NPL: variants seen among roughly 807,000 people sequenced by gnomAD.
The protein encoded by NPL is N-acetylneuraminate pyruvate lyase.
In NPL, 32 loss-of-function variants were observed where a neutral mutation model predicts 41.1. That is an observed-to-expected ratio of 0.78 (90% confidence interval 0.59 to 1.05). NPL has a LOEUF of 1.05. Among genes scored for constraint, NPL ranks in the 50% least tolerant of loss-of-function variants. The pLI is 0.00. For missense variants in NPL, 321 were observed against 378.4 expected (o/e 0.85, Z 1.26); for synonymous variants, 128 against 134.9 (o/e 0.95, Z 0.35).
chr1:182,799,732 CAA>C (rs556336661), intron 3 of NPL, among the ~76,000 whole-genome samples: 2,408 of 61,098 alleles, frequency 0.039, 56 homozygotes, highest in African/African-American at 0.12. Flanking sequence ...ACCCTGTCTC[CAA>C]AAAAAAAAAA....
At chr1:182,807,236 C>T (rs1305285096) in intron 5 of NPL, among the ~76,000 whole-genome samples, 1 of 152,096 alleles carries the variant, frequency 6.6e-6, no homozygotes, top group East Asian at 1.9e-4. Flanking sequence ...AGGTTGCTGA[C>T]CATCCGGTAG....
At chr1:182,817,159 A>T (rs1667357564) in intron 8 of NPL, among the ~76,000 whole-genome samples, 1 of 152,174 alleles carries the variant, frequency 6.6e-6, no homozygotes, top group Admixed American at 6.5e-5. Context: ...TTGTATTCTT[A>T]GTGCCTGTAG....
At chr1:182,792,392 TGTTAA>T (rs751625437) in intron 2 of NPL, 106 bp downstream of exon 2, 1 of 152,154 alleles carries the variant, frequency 6.6e-6, no homozygotes, top group Non-Finnish European at 1.5e-5. Context: ...CCTTTGGGCA[TGTTAA>T]GTTGAGATGT....
At chr1:182,794,581 C>G in intron 3 of NPL, 142 bp downstream of exon 3, 1 of 794,538 alleles carries the variant, frequency 1.3e-6, no homozygotes. Flanking sequence ...CATCCCTCTG[C>G]ACTGTCTCTG....
At chr1:182,819,008 GC>G in intron 10 of NPL, 149 bp downstream of exon 10, 1 of 782,210 alleles carries the variant, frequency 1.3e-6, no homozygotes, top group Non-Finnish European at 2.2e-6. Flanking sequence ...ATTAAATACT[GC>G]TTAGCTGTTT....
intron 3 of NPL, among the ~76,000 whole-genome samples, chr1:182,799,299 G>A (rs2102532318): frequency 1.3e-5 from 2 of 152,230 alleles, no homozygotes; most frequent in South Asian, 2.1e-4. Context: ...ATTAGAAAAA[G>A]GAATTAGAAC....
In NPL at chr1:182,828,815, G is replaced by C. The variant is rs372962675; in HGVS notation, c.870G>C (p.Arg290Ser). ...GGCTTCCACTGCAGAAAGCCTCCAG[G>C]GAGTTTACTGATAGTGCTGAAGCTA... ...PPRLPLQKASREFTDSAEAKL... is the reference protein window; with the variant it reads ...PPRLPLQKASSEFTDSAEAKL... The change falls in exon 13 of 13, where the codon AGG becomes AGC. Residue 290 changes from arginine (R) to serine (S), a missense_variant. Physicochemically the swap from Arg to Ser is moderately radical, Grantham distance 110. Coordinates refer to ENST00000367553, the MANE Select transcript of NPL (RefSeq NM_030769.3). This position sits in a 1 kb window ranked among gnomAD's most constrained non-coding sequence, Gnocchi z 4.0. The C allele has an allele frequency of 3.1e-6, 5 of 1,614,062 alleles. No individual in the cohort carries two copies. In the African/African-American group the frequency reaches 6.7e-5, roughly 22 times the overall value.
chr1:182,808,049 A>G (rs1667073154), intron 5 of NPL, among the ~76,000 whole-genome samples: 1 of 152,106 alleles, frequency 6.6e-6, no homozygotes, highest in African/African-American at 2.4e-5. Context: ...AGCAGGGGCC[A>G]TAGAGCCCGA....
rs201257679 is a variant in NPL, at chr1:182,816,763, G to C, written c.414G>C (p.Leu138=). Residue 138 remains leucine, a synonymous_variant, in exon 8 of 13, where the codon CTG becomes CTC. Coordinates refer to ENST00000367553, the MANE Select transcript of NPL (RefSeq NM_030769.3). ...LKEVAAAAPA[L]PFYYYHIPAL... ...AAGTGGCTGCTGCCGCCCCTGCCCT[G>C]CCATTTTATTACTATCACATTCCTG... 1 of 1,613,716 alleles carries C rather than the reference G, an allele frequency of 6.2e-7. No homozygotes were observed. The highest frequency in any genetic ancestry group is 1.3e-5 in the African/African-American group (1 of 75,040).
chr1:182,829,358 C>A lies in NPL; in HGVS notation c.*450C>A. 7.9e-7 allele frequency: 1 copy of A among 1,260,754 alleles called. No individual in the cohort carries two copies. 78.1% of individuals were successfully genotyped at this position (1,260,754 alleles called of 1,614,324 possible). A position where few individuals can be genotyped will look rare whatever the true frequency, so the allele number is the denominator to read the frequency against. On this transcript the variant is annotated 3_prime_UTR_variant, in exon 13 of 13. Transcript: ENST00000367553. ...CTGCATTTAGGCAGGCACTTTAATA[C>A]CAAACTGTAACATGTCTCAACTGTA...
chr1:182,818,947 CCTTT>C (rs1667413513), intron 10 of NPL, 88 bp downstream of exon 10: 1 of 1,096,040 alleles, frequency 9.1e-7, no homozygotes, highest in Non-Finnish European at 1.4e-6. Context: ...GCATGTGTAT[CCTTT>C]CTAATAGAAG....
intron 12 of NPL, 27 bp downstream of exon 12, chr1:182,825,847 TCTG>T (rs760546294): frequency 1.3e-6 from 2 of 1,570,660 alleles, no homozygotes; most frequent in Non-Finnish European, 1.7e-6. Context: ...TTCTGCTTTG[TCTG>T]CTGCTGGAGA....
chr1:182,818,818 G>C lies in NPL; in HGVS notation c.612G>C (p.Leu204=). The stretch of plus-strand genomic sequence containing the variant: ...TATTTTTTGTTTCTGATTAGCAACT[G>C]TTGAGTGCTCTGGTGATGGGAGCAA... ...FAFLFGVDEQ[L]LSALVMGATG... is the part of the protein sequence containing the mutation. The change falls in exon 10 of 13, where the codon CTG becomes CTC. Residue 204 remains leucine (L), a synonymous_variant. Transcript: ENST00000367553. The C allele has an allele frequency of 6.2e-7, 1 of 1,614,074 alleles. No individual in the cohort carries two copies. Among genetic ancestry groups the C allele is most frequent in the Non-Finnish European group, 8.5e-7 (1 of 1,179,966 alleles).
chr1:182,804,164 A>G (rs551475762), intron 4 of NPL, among the ~76,000 whole-genome samples: 30 of 152,134 alleles, frequency 2.0e-4, no homozygotes, highest in Non-Finnish European at 3.4e-4. Flanking sequence ...GTCTTGCTCT[A>G]TCTCCCCCTG....
intron 2 of NPL, among the ~76,000 whole-genome samples, chr1:182,793,101 A>G (rs1346947363): frequency 6.6e-6 from 1 of 152,228 alleles, no homozygotes; most frequent in African/African-American, 2.4e-5. Context: ...TTGTCATCAA[A>G]TACTATCTGA....
chr1:182,796,712 C>T (rs371553921), intron 3 of NPL, among the ~76,000 whole-genome samples: 30 of 152,218 alleles, frequency 2.0e-4, no homozygotes, highest in African/African-American at 7.0e-4. Context: ...CTAGTTAGCT[C>T]TCCGACCCTG....
chr1:182,802,505 G>A (rs1666879023), intron 3 of NPL, among the ~76,000 whole-genome samples: 1 of 151,932 alleles, frequency 6.6e-6, no homozygotes, highest in South Asian at 2.1e-4. Context: ...AATTACCATA[G>A]GTAAAGGTGA....
intron 6 of NPL, among the ~76,000 whole-genome samples, chr1:182,812,666 T>A (rs1219826377): frequency 6.6e-6 from 1 of 152,032 alleles, no homozygotes; most frequent in Non-Finnish European, 1.5e-5. Context: ...CCAACTTAAG[T>A]TGTAAGTTAT....
At chr1:182,794,330 G>C (rs765626894) in intron 2 of NPL, 26 bp from the exon 3 acceptor site, 16 of 1,585,378 alleles carry the variant, frequency 1.0e-5, no homozygotes, top group Non-Finnish European at 1.3e-5. Flanking sequence ...TGAAGAAAGA[G>C]AGAAATTACA....
Sources: allele counts gnomAD v4.1 joint callset (sites outside exome capture counted in the v4.1 genomes callset), GRCh38; gene constraint gnomAD v4.1.1; non-coding constraint Gnocchi (gnomAD v3.1); transcripts MANE v1.5; gene names NCBI Gene and HGNC (gene_info 2026-07-23, HGNC 2026-07-21).